Variants in PXDNL observed in about 807,000 individuals in gnomAD.
The protein encoded by PXDNL is peroxidasin like.
A neutral mutation model predicts 150.8 loss-of-function variants in PXDNL; 145 were observed. That is an observed-to-expected ratio of 0.96 (90% CI 0.84 to 1.10). The LOEUF (loss-of-function observed/expected upper bound fraction) is 1.10, where lower values mean the gene tolerates loss of function less well. Ranked by LOEUF, PXDNL falls within the 50% of genes least tolerant of loss-of-function variation. PXDNL has a pLI of 0.00. For missense variants in PXDNL, 2,087 were observed against 1,873.9 expected, an observed-to-expected ratio of 1.11 and a Z score of -2.10; for synonymous variants, 757 against 725.7, an observed-to-expected ratio of 1.04 and a Z score of -0.69.
intron 21 of PXDNL, among the ~76,000 whole-genome samples, chr8:51,322,193 G>T (rs1805342648): frequency 6.6e-6 from 1 of 152,148 alleles, no homozygotes; most frequent in African/African-American, 2.4e-5. Context: ...ACTGTTTTAA[G>T]TTACCCATTT....
rs1199771020 is a variant in PXDNL, at chr8:51,435,070, G to A, written c.1526-8312C>T. 2.6e-5 allele frequency among the ~76,000 whole-genome samples: 4 copies of A among 152,178 alleles called. No homozygotes were observed. In the South Asian group the frequency reaches 8.3e-4, roughly 31 times the overall value. On this transcript the variant is annotated intron_variant, in intron 12 of 22. Transcript: ENST00000356297. ...GCGATGGCTCAGGCCTGTAGTCACA[G>A]CACTTTGGGAGGCCGAGGCGGGCAG...
At chr8:51,334,383 A>G (rs1805779438) in intron 21 of PXDNL, among the ~76,000 whole-genome samples, 1 of 152,276 alleles carries the variant, frequency 6.6e-6, no homozygotes, top group African/African-American at 2.4e-5. Flanking sequence ...GAGCACAAAC[A>G]GACAATCTAA....
At chr8:51,389,431 C>T (rs761178662) in intron 17 of PXDNL, among the ~76,000 whole-genome samples, 23 of 152,160 alleles carry the variant, frequency 1.5e-4, no homozygotes, top group Non-Finnish European at 2.9e-4. Context: ...TTCCTCTTTC[C>T]TGATGGGAAG....
At chr8:51,343,031 G>T (rs1205307251) in intron 20 of PXDNL, among the ~76,000 whole-genome samples, 1 of 152,052 alleles carries the variant, frequency 6.6e-6, no homozygotes, top group East Asian at 1.9e-4. Context: ...CAGGTAGGAA[G>T]GTTATTGCAA....
chr8:51,687,473 C>T (rs111828799), intron 1 of PXDNL, among the ~76,000 whole-genome samples: 4,090 of 152,266 alleles, frequency 0.027, 189 homozygotes, highest in African/African-American at 0.093. Flanking sequence ...ATTATAACCA[C>T]TTCCAATTTG....
At chr8:51,486,495 T>G (rs1276945193) in intron 5 of PXDNL, among the ~76,000 whole-genome samples, 1 of 151,908 alleles carries the variant, frequency 6.6e-6, no homozygotes, top group Non-Finnish European at 1.5e-5. Context: ...TAACTGTCAT[T>G]GGTTATCTCC....
intron 19 of PXDNL, among the ~76,000 whole-genome samples, chr8:51,352,459 A>G (rs1806381851): frequency 6.6e-6 from 1 of 152,048 alleles, no homozygotes; most frequent in Non-Finnish European, 1.5e-5. Context: ...CCAGGGAGGG[A>G]CCTGGTGGGA....
At chr8:51,597,792 G>A (rs1052498262) in intron 2 of PXDNL, among the ~76,000 whole-genome samples, 10 of 151,040 alleles carry the variant, frequency 6.6e-5, no homozygotes, top group Non-Finnish European at 1.2e-4. Flanking sequence ...ATAGCTCACC[G>A]CAACCTCCGC....
At position 51,410,895 on chromosome 8, in the gene PXDNL, G is replaced by A. The variant is rs186109168; in HGVS notation, c.2062+355C>T. Among the ~76,000 whole-genome samples the A allele has an allele frequency of 5.9e-5, 9 of 152,274 alleles. No individual in the cohort carries two copies. In the East Asian group the frequency reaches 1.5e-3, roughly 26 times the overall value. The stretch of plus-strand genomic sequence containing the variant: ...TCAAGTAAATTCACTGAATGATTCA[G>A]GTGATTGAAAGGATAAGTGGAAGAA... On this transcript the variant is annotated intron_variant, in intron 16 of 22. Coordinates refer to ENST00000356297, the MANE Select transcript of PXDNL (RefSeq NM_144651.5).
intron 1 of PXDNL, among the ~76,000 whole-genome samples, chr8:51,670,481 A>G (rs899081016): frequency 6.6e-6 from 1 of 152,156 alleles, no homozygotes; most frequent in Non-Finnish European, 1.5e-5. Flanking sequence ...CGTGTACAGC[A>G]TATTATTGTA....
At chr8:51,696,844 C>CA (rs1563510419) in intron 1 of PXDNL, among the ~76,000 whole-genome samples, 15 of 143,438 alleles carry the variant, frequency 1.0e-4, no homozygotes, top group Middle Eastern at 3.6e-3. Context: ...CACACAGGTC[C>CA]TGACACACAC....
At chr8:51,781,400 G>C (rs1563319698) in intron 1 of PXDNL, among the ~76,000 whole-genome samples, 1 of 152,162 alleles carries the variant, frequency 6.6e-6, no homozygotes, top group South Asian at 2.1e-4. Context: ...CATCATAAAA[G>C]AGCTGCTGAT....
At chr8:51,567,965 A>G (rs1812860563) in intron 3 of PXDNL, among the ~76,000 whole-genome samples, 2 of 151,810 alleles carry the variant, frequency 1.3e-5, no homozygotes, top group South Asian at 4.1e-4. Flanking sequence ...ATTTTTTCCC[A>G]ATATTTTCAA....
intron 1 of PXDNL, among the ~76,000 whole-genome samples, chr8:51,757,558 A>T (rs1323064255): frequency 1.3e-5 from 2 of 152,198 alleles, no homozygotes; most frequent in Admixed American, 1.3e-4. Flanking sequence ...CATGGAGTTT[A>T]TCAGACCTGA....
intron 1 of PXDNL, among the ~76,000 whole-genome samples, chr8:51,736,847 G>A (rs1156604088): frequency 1.3e-5 from 2 of 152,170 alleles, no homozygotes; most frequent in Non-Finnish European, 1.5e-5. Flanking sequence ...GAAAGCAAGA[G>A]TCTTAAAACT....
intron 1 of PXDNL, among the ~76,000 whole-genome samples, chr8:51,786,089 G>GA (rs1563320978): frequency 1.3e-5 from 2 of 152,204 alleles, no homozygotes; most frequent in East Asian, 3.9e-4. Context: ...CTATCTACAG[G>GA]AAAAAAGCAC....
chr8:51,645,836 A>T (rs1293865503), intron 2 of PXDNL, among the ~76,000 whole-genome samples: 1 of 152,110 alleles, frequency 6.6e-6, no homozygotes, highest in Non-Finnish European at 1.5e-5. Context: ...GTGAAATCGC[A>T]GTTCAAAGTC....
At chr8:51,743,956 GAAAA>G (rs1554511601) in intron 1 of PXDNL, among the ~76,000 whole-genome samples, 32 of 11,672 alleles carry the variant, frequency 2.7e-3, no homozygotes, top group Middle Eastern at 0.083. Context: ...AAGAGAGAAA[GAAAA>G]AAGAGAGAGA....
intron 1 of PXDNL, among the ~76,000 whole-genome samples, chr8:51,680,299 G>A (rs201085167): frequency 1.2e-4 from 19 of 152,086 alleles, no homozygotes; most frequent in African/African-American, 2.9e-4. Flanking sequence ...TAGAGTTGTC[G>A]TCTTCAAAAC....
Sources: gnomAD v4.1 joint callset for allele counts (sites outside exome capture counted in the v4.1 genomes callset) on GRCh38, gnomAD v4.1.1 for gene constraint, MANE v1.5 for transcripts, NCBI Gene and HGNC (gene_info 2026-07-23, HGNC 2026-07-21) for gene names.